Variants in CADPS observed in about 807,000 individuals in gnomAD.
CADPS encodes the protein calcium-dependent secretion activator 1.
In CADPS, 57 loss-of-function variants were observed where a neutral mutation model predicts 167.3. That is an observed-to-expected ratio of 0.34 (90% CI 0.28 to 0.42). The LOEUF (loss-of-function observed/expected upper bound fraction) is 0.42, where lower values mean the gene tolerates loss of function less well. Among genes scored for constraint, CADPS ranks in the 20% least tolerant of loss-of-function variants. The pLI is 1.00. For missense variants in CADPS, 1,414 were observed against 1,738.1 expected (o/e 0.81, Z 3.32); for synonymous variants, 676 against 635.3 (o/e 1.06, Z -0.96).
chr3:62,720,341 G>GTTTTT (rs754850648), intron 3 of CADPS, among the ~76,000 whole-genome samples: 25,362 of 146,168 alleles, frequency 0.17, 3,183 homozygotes, highest in African/African-American at 0.36. Flanking sequence ...TTGTTTGTTT[G>GTTTTT]TTTTTTTTTG....
intron 1 of CADPS, among the ~76,000 whole-genome samples, chr3:62,796,810 A>C (rs1391798240): frequency 6.6e-6 from 1 of 152,188 alleles, no homozygotes. Flanking sequence ...AGAGGAAAAA[A>C]ATTGAATAAT....
intron 7 of CADPS, among the ~76,000 whole-genome samples, chr3:62,590,119 G>A (rs984850475): frequency 6.6e-6 from 1 of 151,586 alleles, no homozygotes; most frequent in Non-Finnish European, 1.5e-5. Context: ...AACCTGGGAG[G>A]TGGAGGTTGC....
intron 3 of CADPS, among the ~76,000 whole-genome samples, chr3:62,667,845 C>G (rs373248619): frequency 6.6e-6 from 1 of 151,854 alleles, no homozygotes; most frequent in Non-Finnish European, 1.5e-5. Flanking sequence ...AATAGGTCTA[C>G]GTATCAGCAA....
chr3:62,616,940 A>G (rs931854592), intron 6 of CADPS, among the ~76,000 whole-genome samples: 5 of 152,198 alleles, frequency 3.3e-5, no homozygotes, highest in African/African-American at 1.2e-4. Context: ...CCTGTAAAAA[A>G]TATCCTGCAG....
rs779293996 is a variant in CADPS at position 62,481,732 on chromosome 3, T to C, written c.3164A>G (p.Tyr1055Cys). The C allele has an allele frequency of 8.7e-6, 14 of 1,601,908 alleles. No individual in the cohort carries two copies. Among genetic ancestry groups the C allele is most frequent in the African/African-American group, 6.7e-5 (5 of 74,272 alleles). The change falls in exon 22 of 30, where the codon TAT becomes TGT. Residue 1055 changes from tyrosine (Y) to cysteine (C), a missense_variant. Coordinates refer to ENST00000383710, the MANE Select transcript of CADPS (RefSeq NM_003716.4). ...TGAACTGAATACACACTCCGCATCATATATAGCAGCCATCCATGACGGTGC... is the reference window on the plus strand; with the variant it reads ...TGAACTGAATACACACTCCGCATCACATATAGCAGCCATCCATGACGGTGC... ...FSAPSWMAAI[Y>C]DADNGSGTSE...
At chr3:62,512,156 TCTC>T (rs1180746250) in intron 17 of CADPS, among the ~76,000 whole-genome samples, 2 of 152,058 alleles carry the variant, frequency 1.3e-5, no homozygotes, top group Non-Finnish European at 2.9e-5. Flanking sequence ...AAGTCAGACT[TCTC>T]CTCAAAATAA....
chr3:62,862,457 C>T (rs2080986158), intron 1 of CADPS, among the ~76,000 whole-genome samples: 1 of 152,080 alleles, frequency 6.6e-6, no homozygotes. Context: ...GATCTACTCA[C>T]CTCGGCCTCC....
chr3:62,870,550 A>C (rs1404536155), intron 1 of CADPS, among the ~76,000 whole-genome samples: 1 of 152,156 alleles, frequency 6.6e-6, no homozygotes, highest in African/African-American at 2.4e-5. Flanking sequence ...TACAAGCTGA[A>C]TCATACAGAA....
chr3:62,715,720 G>C (rs898424619), intron 3 of CADPS, among the ~76,000 whole-genome samples: 1 of 146,402 alleles, frequency 6.8e-6, no homozygotes, highest in African/African-American at 2.5e-5. Flanking sequence ...TGTAATATGT[G>C]GTACCACATT....
chr3:62,498,564 T>C (rs1031916429), intron 18 of CADPS, among the ~76,000 whole-genome samples: 14 of 152,266 alleles, frequency 9.2e-5, no homozygotes, highest in African/African-American at 3.1e-4. Context: ...CCTTGGTTTA[T>C]AATTATTATC....
intron 6 of CADPS, among the ~76,000 whole-genome samples, chr3:62,599,705 T>A (rs796624165): frequency 1.5e-4 from 4 of 26,964 alleles, no homozygotes; most frequent in Admixed American, 6.8e-4. Context: ...AATATATATA[T>A]TATATAATAT....
chr3:62,728,738 G>T (rs1178387356), intron 3 of CADPS, among the ~76,000 whole-genome samples: 1 of 151,908 alleles, frequency 6.6e-6, no homozygotes, highest in Non-Finnish European at 1.5e-5. Context: ...ACCAAAGGAA[G>T]AAGAAAGTGA....
At chr3:62,762,113 C>A (rs1373394894) in intron 2 of CADPS, among the ~76,000 whole-genome samples, 1 of 152,142 alleles carries the variant, frequency 6.6e-6, no homozygotes, top group Non-Finnish European at 1.5e-5. Flanking sequence ...AGGAATAGCA[C>A]CTCCTCTCTC....
At chr3:62,594,152 ATTTT>A (rs1322670285) in intron 6 of CADPS, among the ~76,000 whole-genome samples, 3 of 137,290 alleles carry the variant, frequency 2.2e-5, no homozygotes, top group African/African-American at 5.5e-5. Flanking sequence ...TATTTTTTTT[ATTTT>A]TTTTATTTAT....
rs17066484 is a variant in CADPS, at chr3:62,514,256, G to A, written c.2582-1488C>T. Among the ~76,000 whole-genome samples the A allele has an allele frequency of 0.015, 2,211 of 152,148 alleles. 51 individuals carry two copies. Among genetic ancestry groups the A allele is most frequent in the African/African-American group, 0.049 (2,024 of 41,520 alleles). On this transcript the variant is annotated intron_variant, in intron 16 of 29. Coordinates refer to ENST00000383710, the MANE Select transcript of CADPS (RefSeq NM_003716.4). This position sits in a 1 kb window ranked among gnomAD's most constrained non-coding sequence, Gnocchi z 4.2. ...TTCAGGCTGCAATGTCTCAGCCTAT[G>A]GTGGACTATGTTCATGAAAGAAAAC...
chr3:62,620,791 G>A (rs563335914), intron 6 of CADPS, among the ~76,000 whole-genome samples: 2 of 152,224 alleles, frequency 1.3e-5, no homozygotes, highest in South Asian at 4.1e-4. Context: ...ATTAGAGCTG[G>A]CCTCCACCAC....
intron 1 of CADPS, among the ~76,000 whole-genome samples, chr3:62,797,298 G>A (rs1559668576): frequency 6.6e-6 from 1 of 152,014 alleles, no homozygotes; most frequent in African/African-American, 2.4e-5. Context: ...TCCTGTGACG[G>A]TGTTTGGTTT....
At chr3:62,606,458 C>T (rs902376126) in intron 6 of CADPS, among the ~76,000 whole-genome samples, 6 of 152,160 alleles carry the variant, frequency 3.9e-5, no homozygotes, top group African/African-American at 1.4e-4. Flanking sequence ...CATGGGATGA[C>T]TTGTGCCACC....
intron 3 of CADPS, among the ~76,000 whole-genome samples, chr3:62,716,214 CA>C (rs745763166): frequency 4.1e-4 from 63 of 152,214 alleles, no homozygotes; most frequent in Non-Finnish European, 7.5e-4. Context: ...CACTTGCCAC[CA>C]GCTAATTTCT....
Sources: allele counts gnomAD v4.1 joint callset (sites outside exome capture counted in the v4.1 genomes callset), GRCh38; gene constraint gnomAD v4.1.1; non-coding constraint Gnocchi (gnomAD v3.1); transcripts MANE v1.5; gene names NCBI Gene and HGNC (gene_info 2026-07-23, HGNC 2026-07-21).